GCA: variants seen among roughly 807,000 people sequenced by gnomAD.
GCA encodes grancalcin.
GCA carries 30 observed loss-of-function variants against 32.6 expected under a neutral mutation model. The ratio of observed to expected loss-of-function variants is 0.92; its 90% confidence interval spans 0.69 to 1.25. GCA has a LOEUF of 1.25. GCA is among the 50% of genes most tolerant of loss of function. The pLI is 0.00. For synonymous variants in GCA, 102 were observed against 84.6 expected (o/e 1.21, Z -1.13); for missense variants, 291 against 266.8 (o/e 1.09, Z -0.63).
intron 1 of GCA, among the ~76,000 whole-genome samples, chr2:162,327,490 C>T (rs1040120524): frequency 1.3e-5 from 2 of 152,166 alleles, no homozygotes; most frequent in African/African-American, 4.8e-5. Context: ...CTTTCCCATC[C>T]TTCCCCTAGT....
At chr2:162,371,589 A>G in exon 5 of GCA, 1 of 870,876 alleles carries the variant, frequency 1.1e-6, no homozygotes, top group Non-Finnish European at 1.6e-6. Flanking sequence ...ATAAAAATAA[A>G]AAATAAGGTG....
At position 162,344,224 on chromosome 2, in the gene GCA, G is replaced by T; in HGVS notation, c.-25G>T. ...ACTGCGGACGCGACTCGAGGGTGACGCTCGCTCCGCTCGTCCCGCTCGTCA... is the reference window on the plus strand; with the variant it reads ...ACTGCGGACGCGACTCGAGGGTGACTCTCGCTCCGCTCGTCCCGCTCGTCA... On this transcript the variant is annotated 5_prime_UTR_variant, in exon 1 of 8. Coordinates refer to ENST00000437150, the MANE Select transcript of GCA (RefSeq NM_012198.5). 6.2e-7 allele frequency: 1 copy of T among 1,613,554 alleles called. No individual in the cohort carries two copies. The highest frequency in any genetic ancestry group is 8.5e-7 in the Non-Finnish European group (1 of 1,179,778).
chr2:162,372,361 T>A (rs1318517442), downstream of GCA, among the ~76,000 whole-genome samples: 1 of 152,132 alleles, frequency 6.6e-6, no homozygotes, highest in African/African-American at 2.4e-5. Context: ...TATATTATTT[T>A]ACATTGAGTT....
Position 162,356,857 on chromosome 2 carries a change from A to G in GCA, c.406A>G (p.Ser136Gly), listed in dbSNP as rs748003453. The G allele has an allele frequency of 1.3e-5, 21 of 1,610,114 alleles. No individual in the cohort carries two copies. The highest frequency in any genetic ancestry group is 1.7e-5 in the Non-Finnish European group (20 of 1,177,158). ...CTTCATGACTGTTGATCAAGATGGAAGTGGCACAGTAGAACATCATGAGTT... is the reference window on the plus strand; with the variant it reads ...CTTCATGACTGTTGATCAAGATGGAGGTGGCACAGTAGAACATCATGAGTT... ...ENFMTVDQDG[S>G]GTVEHHELRQ... Residue 136 changes from serine to glycine, a missense_variant, in exon 5 of 8, where the codon AGT (serine) becomes GGT (glycine). Coordinates refer to ENST00000437150, the MANE Select transcript of GCA (RefSeq NM_012198.5).
At position 162,360,253 on chromosome 2, in the gene GCA, A is replaced by G; in HGVS notation, c.*10A>G. On this transcript the variant is annotated 3_prime_UTR_variant, in exon 8 of 8. Coordinates refer to ENST00000437150, the MANE Select transcript of GCA (RefSeq NM_012198.5). Reference sequence around the variant, plus strand: ...CACTATGGCAATTTGAATGCTTAGAATTTTAAACCTGAAGAGACACTGTGA... The same window carrying G: ...CACTATGGCAATTTGAATGCTTAGAGTTTTAAACCTGAAGAGACACTGTGA... 1 of 1,585,556 alleles carries G rather than the reference A, an allele frequency of 6.3e-7. No homozygotes were observed. Among genetic ancestry groups the G allele is most frequent in the Non-Finnish European group, 8.6e-7 (1 of 1,160,210 alleles).
rs1685616368 is a variant in GCA at position 162,362,477 on chromosome 2, A to G, written c.*2234A>G. The G allele has an allele frequency of 2.1e-6, 2 of 967,858 alleles. No homozygotes were observed. The highest frequency in any genetic ancestry group is 1.8e-5 in the African/African-American group (1 of 56,874). The allele number at this position is 967,858 out of a possible 1,614,324, so 60.0% of individuals were successfully genotyped here. A position where few individuals can be genotyped will look rare whatever the true frequency, so the allele number is the denominator to read the frequency against. On this transcript the variant is annotated 3_prime_UTR_variant, in exon 8 of 8. Coordinates refer to ENST00000437150, the MANE Select transcript of GCA (RefSeq NM_012198.5). The stretch of plus-strand genomic sequence containing the variant: ...CATGACTGTAATATGAATATAGTAT[A>G]GTAGTTTGCACTGGTTAACTTACAC...
chr2:162,352,431 T>C lies in GCA; in HGVS notation c.262+24T>C, dbSNP rs372057650. The C allele has an allele frequency of 6.0e-5, 81 of 1,356,404 alleles. No individual in the cohort carries two copies. In the Middle Eastern group the frequency reaches 7.3e-4, roughly 12 times the overall value. The allele number at this position is 1,356,404 out of a possible 1,614,324, so 84.0% of individuals were successfully genotyped here. On this transcript the variant is annotated intron_variant, in intron 3 of 7. Transcript: ENST00000437150. Reference sequence around the variant, plus strand: ...TCGTGAGATCTTTTTTCCCCTTTTGTTGAAATTATAATAGGAAGTTTATTT... The same window carrying C: ...TCGTGAGATCTTTTTTCCCCTTTTGCTGAAATTATAATAGGAAGTTTATTT...
At chr2:162,358,710 C>CA (rs1050005196) in intron 5 of GCA, among the ~76,000 whole-genome samples, 16 of 151,190 alleles carry the variant, frequency 1.1e-4, no homozygotes, top group African/African-American at 3.9e-4. Context: ...AAGAACTATA[C>CA]AAAGTTACAT....
At chr2:162,371,838 T>A (rs755000626), downstream of GCA, 1 of 1,608,158 alleles carries the variant, frequency 6.2e-7, no homozygotes, top group Admixed American at 1.7e-5. Context: ...ATTATTTCCC[T>A]GGAAGACCAG....
chr2:162,361,190 A>ATTTT lies in GCA; in HGVS notation c.*947_*948insTTTT. The ATTTT allele has an allele frequency of 1.0e-6, 1 of 985,100 alleles. No individual in the cohort carries two copies. The allele number at this position is 985,100 out of a possible 1,614,324, so 61.0% of individuals were successfully genotyped here. A position where few individuals can be genotyped will look rare whatever the true frequency, so the allele number is the denominator to read the frequency against. On this transcript the variant is annotated 3_prime_UTR_variant, in exon 8 of 8. Transcript: ENST00000437150. ...ATTAGTGGTGGCTTTGCCATTAAAA[A>ATTTT]CCCAGTAAGTATTTTGAGTGCATCT...
chr2:162,341,911 G>A (rs1364092631), upstream of GCA, among the ~76,000 whole-genome samples: 1 of 152,142 alleles, frequency 6.6e-6, no homozygotes, highest in African/African-American at 2.4e-5. Flanking sequence ...ACCTGATGGA[G>A]TTGTTTTGAG....
intron 1 of GCA, among the ~76,000 whole-genome samples, chr2:162,326,745 T>C (rs1447772939): frequency 1.3e-5 from 2 of 152,212 alleles, no homozygotes; most frequent in Non-Finnish European, 2.9e-5. Flanking sequence ...CTCAAACTCC[T>C]GACCTCAGGT....
chr2:162,324,386 A>C (rs915717085), intron 1 of GCA, among the ~76,000 whole-genome samples: 2 of 152,096 alleles, frequency 1.3e-5, no homozygotes, highest in African/African-American at 4.8e-5. Context: ...GAATCAGGCC[A>C]CTCAGCGGCC....
chr2:162,362,628 G>A lies in GCA; in HGVS notation c.*2385G>A. The A allele has an allele frequency of 1.1e-6, 1 of 872,262 alleles. No homozygotes were observed. Among genetic ancestry groups the A allele is most frequent in the Non-Finnish European group, 1.4e-6 (1 of 727,168 alleles). The allele number at this position is 872,262 out of a possible 1,614,324, so 54.0% of individuals were successfully genotyped here. A position where few individuals can be genotyped will look rare whatever the true frequency, so the allele number is the denominator to read the frequency against. ...AATTTTTTTAATAAACATTCAAATA[G>A]CTTGCTGTAAAGTTTTGTATCATAC... On this transcript the variant is annotated 3_prime_UTR_variant, in exon 8 of 8. Transcript: ENST00000437150.
chr2:162,367,689 A>G (rs922573735), downstream of GCA, among the ~76,000 whole-genome samples: 3 of 151,990 alleles, frequency 2.0e-5, no homozygotes, highest in Admixed American at 6.6e-5. Flanking sequence ...GGCAACAGCT[A>G]TGTTGTTGGA....
At chr2:162,327,703 C>T (rs146086581) in intron 1 of GCA, among the ~76,000 whole-genome samples, 2,292 of 152,320 alleles carry the variant, frequency 0.015, 18 homozygotes, top group Non-Finnish European at 0.024. Flanking sequence ...CCATGCATGC[C>T]TGTGGCTGTC....
chr2:162,344,418 TG>T (rs962620863), intron 1 of GCA, 143 bp downstream of exon 1: 3 of 763,538 alleles, frequency 3.9e-6, no homozygotes, highest in Non-Finnish European at 6.6e-6. Context: ...CCGGGGCTGT[TG>T]GGGGCCAGGG....
At chr2:162,356,731 A>G in intron 4 of GCA, 27 bp from the exon 5 acceptor site, 1 of 1,548,038 alleles carries the variant, frequency 6.5e-7, no homozygotes, top group Non-Finnish European at 8.9e-7. Context: ...AGGTATCAGA[A>G]TTTATTTTTG....
intron 4 of GCA, among the ~76,000 whole-genome samples, chr2:162,368,898 ACT>A (rs1269645359): frequency 2.6e-5 from 4 of 152,000 alleles, no homozygotes; most frequent in African/African-American, 9.7e-5. Flanking sequence ...AAATAATGTG[ACT>A]CCCCTATGGA....
Sources: allele counts gnomAD v4.1 joint callset (sites outside exome capture counted in the v4.1 genomes callset), GRCh38; gene constraint gnomAD v4.1.1; transcripts MANE v1.5; gene names NCBI Gene and HGNC (gene_info 2026-07-23, HGNC 2026-07-21).